EGFR: variants seen among roughly 807,000 people sequenced by gnomAD.
EGFR encodes the protein avian erythroblastic leukemia viral (v-erb-b) oncogene homolog.
EGFR carries 58 observed loss-of-function variants against 143.0 expected under a neutral mutation model. The observed-to-expected ratio is 0.41, with a 90% CI of 0.33 to 0.50. EGFR has a LOEUF of 0.50. Among genes scored for constraint, EGFR ranks in the 20% least tolerant of loss-of-function variants. The probability of loss-of-function intolerance (pLI) is 0.39; values close to 1 mark genes in which losing one functional copy is unlikely to be tolerated. For missense variants in EGFR, 1,307 were observed against 1,579.0 expected (o/e 0.83, Z 2.92); for synonymous variants, 613 against 594.4 (o/e 1.03, Z -0.45).
At chr7:55,079,900 G>T (rs114453000) in intron 1 of EGFR, among the ~76,000 whole-genome samples, 1 of 152,160 alleles carries the variant, frequency 6.6e-6, no homozygotes, top group Non-Finnish European at 1.5e-5. Flanking sequence ...TCAATATGAC[G>T]CCTTTGAAAG....
chr7:55,038,389 A>G (rs1481471275), intron 1 of EGFR, among the ~76,000 whole-genome samples: 2 of 152,146 alleles, frequency 1.3e-5, no homozygotes. Context: ...CCTCCCAAAG[A>G]CAGAAGATGT....
At chr7:55,090,827 ACTC>A (rs1332355232) in intron 1 of EGFR, among the ~76,000 whole-genome samples, 1 of 152,178 alleles carries the variant, frequency 6.6e-6, no homozygotes, top group African/African-American at 2.4e-5. Flanking sequence ...AAAGTGAAAT[ACTC>A]CTACTTGTGG....
chr7:55,183,084 G>T (rs1165279035), intron 20 of EGFR, among the ~76,000 whole-genome samples: 1 of 152,054 alleles, frequency 6.6e-6, no homozygotes, highest in Non-Finnish European at 1.5e-5. Flanking sequence ...TGCCTCTCTG[G>T]CTTCTGGTGG....
chr7:55,163,667 G>A, intron 13 of EGFR, 66 bp from the exon 14 acceptor site: 1 of 1,375,558 alleles, frequency 7.3e-7, no homozygotes, highest in Non-Finnish European at 1.0e-6. Flanking sequence ...ATTTTGAAGA[G>A]GTGATTTGTG....
At chr7:55,201,884 T>C in intron 26 of EGFR, 102 bp downstream of exon 26, 1 of 1,406,940 alleles carries the variant, frequency 7.1e-7, no homozygotes, top group African/African-American at 1.4e-5. Context: ...CCAGATAATC[T>C]TGAGTTTTCT....
rs771331347 is a variant in EGFR at position 55,171,161 on chromosome 7, T to G, written c.1881-14T>G. ...GAATGAGAAAAATGTATATTTCTCT[T>G]TCACTTCCTACAGATGCACTGGGCC... On this transcript the variant is annotated splice_polypyrimidine_tract_variant and intron_variant, in intron 15 of 27. Coordinates refer to ENST00000275493, the MANE Select transcript of EGFR (RefSeq NM_005228.5). The G allele has an allele frequency of 6.2e-7, 1 of 1,614,178 alleles. No homozygotes were observed. Among genetic ancestry groups the G allele is most frequent in the Non-Finnish European group, 8.5e-7 (1 of 1,180,034 alleles).
At chr7:55,068,539 C>T (rs890868737) in intron 1 of EGFR, among the ~76,000 whole-genome samples, 3 of 152,162 alleles carry the variant, frequency 2.0e-5, no homozygotes, top group African/African-American at 7.2e-5. Flanking sequence ...GTCTGCGTGT[C>T]CAGGGCACAG....
chr7:55,171,977 T>G (rs747816990), intron 16 of EGFR, among the ~76,000 whole-genome samples: 3 of 152,118 alleles, frequency 2.0e-5, no homozygotes, highest in Non-Finnish European at 4.4e-5. Flanking sequence ...CAGCCATAGC[T>G]CTCTCTCCTG....
intron 1 of EGFR, among the ~76,000 whole-genome samples, chr7:55,098,168 A>G (rs1791588927): frequency 6.6e-6 from 1 of 152,218 alleles, no homozygotes; most frequent in African/African-American, 2.4e-5. Flanking sequence ...TGCAGACCAT[A>G]AAGACAGGGA....
chr7:55,065,212 C>T (rs1428387297), intron 1 of EGFR, among the ~76,000 whole-genome samples: 1 of 152,164 alleles, frequency 6.6e-6, no homozygotes, highest in Non-Finnish European at 1.5e-5. Context: ...ACTGGAGATT[C>T]CTGCTGCATT....
chr7:55,203,928 A>G (rs1352338236), intron 27 of EGFR, among the ~76,000 whole-genome samples: 1 of 151,060 alleles, frequency 6.6e-6, no homozygotes, highest in East Asian at 1.9e-4. Context: ...TATATATCAA[A>G]ATCTTTATAT....
chr7:55,082,055 A>C (rs576860145), intron 1 of EGFR, among the ~76,000 whole-genome samples: 2 of 152,174 alleles, frequency 1.3e-5, no homozygotes, highest in African/African-American at 4.8e-5. Flanking sequence ...TGATTTCACA[A>C]TGCAGGCTGG....
chr7:55,029,628 A>T (rs1787138469), intron 1 of EGFR, among the ~76,000 whole-genome samples: 1 of 152,238 alleles, frequency 6.6e-6, no homozygotes, highest in Admixed American at 6.5e-5. Flanking sequence ...CTCAGTATTC[A>T]TGGTTATACA....
intron 1 of EGFR, among the ~76,000 whole-genome samples, chr7:55,023,881 G>A (rs529675367): frequency 9.9e-5 from 15 of 151,978 alleles, no homozygotes; most frequent in African/African-American, 2.2e-4. Flanking sequence ...GTTCTTTTTC[G>A]TTTTCCTCCT....
intron 1 of EGFR, among the ~76,000 whole-genome samples, chr7:55,084,635 C>T (rs985999974): frequency 7.9e-5 from 12 of 152,206 alleles, no homozygotes; most frequent in African/African-American, 2.9e-4. Flanking sequence ...TACAAGGCTA[C>T]ACTTGGGAGG....
intron 1 of EGFR, among the ~76,000 whole-genome samples, chr7:55,095,608 G>GAC (rs1273156007): frequency 6.6e-6 from 1 of 152,058 alleles, no homozygotes; most frequent in Non-Finnish European, 1.5e-5. Context: ...ATTGCATGCA[G>GAC]ACACACACAG....
intron 4 of EGFR, among the ~76,000 whole-genome samples, chr7:55,149,395 A>T (rs1043065782): frequency 6.6e-6 from 1 of 152,140 alleles, no homozygotes; most frequent in Non-Finnish European, 1.5e-5. Context: ...ATACACACAC[A>T]CACACAAATA....
intron 1 of EGFR, among the ~76,000 whole-genome samples, chr7:55,131,165 G>A (rs1398207466): frequency 6.6e-6 from 1 of 152,116 alleles, no homozygotes; most frequent in Admixed American, 6.5e-5. Flanking sequence ...TCATAGGGGT[G>A]GCACCAGGAT....
chr7:55,197,021 A>C (rs1787647980), intron 22 of EGFR, among the ~76,000 whole-genome samples: 2 of 152,096 alleles, frequency 1.3e-5, no homozygotes, highest in African/African-American at 4.8e-5. Flanking sequence ...TGAATTTTTA[A>C]ATTGTATTTT....
Sources: gnomAD v4.1 joint callset for allele counts (sites outside exome capture counted in the v4.1 genomes callset) on GRCh38, gnomAD v4.1.1 for gene constraint, MANE v1.5 for transcripts, NCBI Gene and HGNC (gene_info 2026-07-23, HGNC 2026-07-21) for gene names.